The following SORCS3 variants were observed in gnomAD, a reference collection of about 807,000 sequenced individuals.
SORCS3 encodes the protein VPS10 domain-containing receptor SorCS3.
In SORCS3, 57 loss-of-function variants were observed where a neutral mutation model predicts 146.3. The ratio of observed to expected loss-of-function variants is 0.39; its 90% CI spans 0.31 to 0.49. SORCS3 has a LOEUF of 0.49. SORCS3 is among the 20% of genes least tolerant of loss of function. The pLI is 0.92. For missense variants in SORCS3, 1,341 were observed against 1,575.5 expected (o/e 0.85, Z 2.52); for synonymous variants, 653 against 618.5 (o/e 1.06, Z -0.83).
At chr10:105,212,727 G>C (rs1030730976) in intron 17 of SORCS3, among the ~76,000 whole-genome samples, 11 of 152,138 alleles carry the variant, frequency 7.2e-5, no homozygotes, top group Admixed American at 7.2e-4. Context: ...TCATCAACCA[G>C]CTTGAGTTAA....
At chr10:104,989,164 A>G (rs2054979707) in intron 4 of SORCS3, among the ~76,000 whole-genome samples, 1 of 152,206 alleles carries the variant, frequency 6.6e-6, no homozygotes. Flanking sequence ...TAACAAAAGC[A>G]ACTTTTAAAT....
chr10:104,815,448 C>CAAAAAA (rs5787549), intron 1 of SORCS3, among the ~76,000 whole-genome samples: 1 of 79,364 alleles, frequency 1.3e-5, no homozygotes, highest in African/African-American at 5.2e-5. Context: ...GACCCTGTCT[C>CAAAAAA]AAAAAAAAAA....
At chr10:104,751,754 T>C (rs1251739625) in intron 1 of SORCS3, among the ~76,000 whole-genome samples, 1 of 151,558 alleles carries the variant, frequency 6.6e-6, no homozygotes, top group East Asian at 2.0e-4. Flanking sequence ...TTTATAGCTC[T>C]GTGTCTGCTC....
chr10:105,059,068 C>G (rs988793077), intron 5 of SORCS3, among the ~76,000 whole-genome samples: 1 of 152,130 alleles, frequency 6.6e-6, no homozygotes, highest in African/African-American at 2.4e-5. Flanking sequence ...TGAACAAGCT[C>G]TCCTGGCAAT....
intron 1 of SORCS3, among the ~76,000 whole-genome samples, chr10:104,750,433 T>C (rs1361386521): frequency 2.0e-5 from 3 of 152,200 alleles, no homozygotes; most frequent in African/African-American, 7.2e-5. Flanking sequence ...ATACTCAAAG[T>C]ATACTGACCA....
intron 20 of SORCS3, among the ~76,000 whole-genome samples, chr10:105,242,794 A>C (rs1221132675): frequency 2.9e-5 from 3 of 103,542 alleles, no homozygotes. Context: ...ATTTATATAC[A>C]TTTATATATA....
chr10:104,947,088 G>T (rs2019379314), intron 3 of SORCS3, among the ~76,000 whole-genome samples: 1 of 152,134 alleles, frequency 6.6e-6, no homozygotes, highest in East Asian at 1.9e-4. Context: ...GGGATGACTT[G>T]TACAAATCCG....
At chr10:104,989,203 G>T (rs1306400183) in intron 4 of SORCS3, among the ~76,000 whole-genome samples, 1 of 152,178 alleles carries the variant, frequency 6.6e-6, no homozygotes, top group African/African-American at 2.4e-5. Flanking sequence ...TTGTGCACTT[G>T]GTAATTTTTA....
At chr10:104,851,323 T>C (rs549708875) in intron 2 of SORCS3, among the ~76,000 whole-genome samples, 4 of 152,376 alleles carry the variant, frequency 2.6e-5, no homozygotes, top group East Asian at 1.9e-4. Context: ...CACTTTTCTA[T>C]GGATTGTGTC....
intron 4 of SORCS3, among the ~76,000 whole-genome samples, chr10:104,999,673 G>C (rs2055049289): frequency 6.6e-6 from 1 of 152,132 alleles, no homozygotes; most frequent in African/African-American, 2.4e-5. Context: ...ATCATATAAG[G>C]GGGAGGCAGA....
intron 14 of SORCS3, among the ~76,000 whole-genome samples, chr10:105,179,217 A>G (rs900670935): frequency 2.0e-5 from 3 of 152,178 alleles, no homozygotes; most frequent in Non-Finnish European, 2.9e-5. Flanking sequence ...TTTGAACAAC[A>G]TCATGTGTAT....
At chr10:104,879,467 C>G (rs1217616669) in intron 2 of SORCS3, among the ~76,000 whole-genome samples, 1 of 152,144 alleles carries the variant, frequency 6.6e-6, no homozygotes, top group African/African-American at 2.4e-5. Flanking sequence ...CTGGATAACC[C>G]AGGATAATCT....
At chr10:104,864,321 G>A (rs1001807408) in intron 2 of SORCS3, among the ~76,000 whole-genome samples, 4 of 152,130 alleles carry the variant, frequency 2.6e-5, no homozygotes, top group African/African-American at 9.7e-5. Flanking sequence ...TGCAACCACA[G>A]CCCTGGATCT....
At chr10:105,207,245 A>T (rs1034762125) in intron 16 of SORCS3, among the ~76,000 whole-genome samples, 1 of 142,276 alleles carries the variant, frequency 7.0e-6, no homozygotes, top group Non-Finnish European at 1.5e-5. Flanking sequence ...GAATAAAAGT[A>T]TCCCTTCCTA....
intron 4 of SORCS3, among the ~76,000 whole-genome samples, chr10:105,013,868 A>T (rs2055148806): frequency 6.6e-6 from 1 of 151,910 alleles, no homozygotes; most frequent in African/African-American, 2.4e-5. Context: ...AGCAAACCAG[A>T]CTCACCTGAA....
chr10:105,022,994 G>T (rs1239271096), intron 4 of SORCS3, among the ~76,000 whole-genome samples: 2 of 152,066 alleles, frequency 1.3e-5, no homozygotes, highest in East Asian at 3.9e-4. Flanking sequence ...TTCAAGGGTG[G>T]CCTGGTTTTA....
chr10:105,244,075 C>T (rs2056852127), intron 20 of SORCS3, among the ~76,000 whole-genome samples: 1 of 152,102 alleles, frequency 6.6e-6, no homozygotes, highest in South Asian at 2.1e-4. Context: ...TGCTCATCTG[C>T]CCCTGTGACA....
intron 2 of SORCS3, among the ~76,000 whole-genome samples, chr10:104,859,137 A>C (rs1268250058): frequency 6.6e-6 from 1 of 151,988 alleles, no homozygotes; most frequent in Non-Finnish European, 1.5e-5. Context: ...AAATTATGAG[A>C]ATAAGACTTG....
rs1306679378 is a variant in SORCS3 at position 104,704,291 on chromosome 10, C to T, written c.627+62337C>T. Among the ~76,000 whole-genome samples the T allele has an allele frequency of 2.6e-5, 4 of 151,958 alleles. No homozygotes were observed. In the South Asian group the frequency reaches 8.3e-4, roughly 32 times the overall value. Reference sequence around the variant, plus strand: ...CAAGTGATCCTCCCACCTCAGCTTACTGAGTTGCTGGGACTACAGGTGTGC... The same window carrying T: ...CAAGTGATCCTCCCACCTCAGCTTATTGAGTTGCTGGGACTACAGGTGTGC... On this transcript the variant is annotated intron_variant, in intron 1 of 26. Transcript: ENST00000369701.
Sources: gnomAD v4.1 joint callset for allele counts (sites outside exome capture counted in the v4.1 genomes callset) on GRCh38, gnomAD v4.1.1 for gene constraint, MANE v1.5 for transcripts, NCBI Gene and HGNC (gene_info 2026-07-23, HGNC 2026-07-21) for gene names.